The following ADGRL3 variants were observed in gnomAD, a reference collection of about 807,000 sequenced individuals.
The protein encoded by ADGRL3 is calcium-independent alpha-latrotoxin receptor 3.
Under a neutral mutation model 153.5 loss-of-function variants are expected in ADGRL3, and 62 were observed. The ratio of observed to expected loss-of-function variants is 0.40; its 90% confidence interval spans 0.33 to 0.50. The LOEUF is 0.50. Ranked by LOEUF, ADGRL3 falls within the 20% of genes least tolerant of loss-of-function variation. ADGRL3 has a pLI of 0.47. For missense variants in ADGRL3, 1,641 were observed against 1,859.4 expected, an observed-to-expected ratio of 0.88 and a Z score of 2.16; for synonymous variants, 710 against 672.5, an observed-to-expected ratio of 1.06 and a Z score of -0.86.
At chr4:61,210,525 T>C (rs1291345478) in intron 1 of ADGRL3, among the ~76,000 whole-genome samples, 4 of 139,518 alleles carry the variant, frequency 2.9e-5, no homozygotes, top group Non-Finnish European at 6.4e-5. Flanking sequence ...GTCTCCTGTT[T>C]TGTTTTGATT....
intron 4 of ADGRL3, among the ~76,000 whole-genome samples, chr4:61,562,516 A>G (rs1222268264): frequency 6.6e-6 from 1 of 152,168 alleles, no homozygotes; most frequent in South Asian, 2.1e-4. Context: ...GCAATGTTCT[A>G]AATCCTTCGT....
chr4:61,865,445 G>A (rs1392872426), intron 9 of ADGRL3, among the ~76,000 whole-genome samples: 3 of 152,124 alleles, frequency 2.0e-5, no homozygotes, highest in African/African-American at 7.2e-5. Flanking sequence ...TTGTAAATAA[G>A]CACATTCAAT....
intron 1 of ADGRL3, among the ~76,000 whole-genome samples, chr4:61,344,509 A>G (rs1009678787): frequency 1.3e-5 from 2 of 152,166 alleles, no homozygotes; most frequent in Admixed American, 1.3e-4. Context: ...TCTGTCTACT[A>G]TTCCCTTGAA....
chr4:61,617,367 T>C (rs1332098749), intron 5 of ADGRL3, among the ~76,000 whole-genome samples: 1 of 152,202 alleles, frequency 6.6e-6, no homozygotes, highest in East Asian at 1.9e-4. Context: ...TTCTCTCTCT[T>C]TTTTAAACAT....
chr4:61,941,225 A>G (rs1358462150), intron 15 of ADGRL3, among the ~76,000 whole-genome samples: 1 of 125,684 alleles, frequency 8.0e-6, no homozygotes, highest in Non-Finnish European at 1.6e-5. Flanking sequence ...CAGGTTTGTG[A>G]AAGATCAGAT....
At position 62,070,688 on chromosome 4, in the gene ADGRL3, G is replaced by A. The variant is rs368135572; in HGVS notation, c.4412G>A (p.Ser1471Asn). Residue 1471 changes from serine to asparagine, a missense_variant, in exon 27 of 27, where the codon AGC (serine) becomes AAC (asparagine). Coordinates refer to ENST00000683033, the MANE Select transcript of ADGRL3 (RefSeq NM_001387552.1). The part of the protein sequence containing the change: ...GVAATESVTT[S>N]TQTEPPPAKC... ...GCCGCCACAGAGAGTGTTACCACCA[G>A]CACCCAGACCGAACCCCCACCGGCC... is the stretch of plus-strand genomic sequence containing the variant. The A allele has an allele frequency of 1.8e-5, 28 of 1,551,390 alleles. No individual in the cohort carries two copies. In the African/African-American group the frequency reaches 3.4e-4, roughly 19 times the overall value.
intron 5 of ADGRL3, among the ~76,000 whole-genome samples, chr4:61,610,108 G>A (rs1448634158): frequency 1.3e-5 from 2 of 150,096 alleles, no homozygotes; most frequent in Non-Finnish European, 3.0e-5. Context: ...ATATTTTTAT[G>A]AGCATTTTAG....
chr4:61,625,346 A>T (rs1043471867), intron 5 of ADGRL3, among the ~76,000 whole-genome samples: 1 of 152,078 alleles, frequency 6.6e-6, no homozygotes. Context: ...TATTCCAAAA[A>T]CTACATGAAC....
At chr4:61,699,562 T>C (rs914988482) in intron 6 of ADGRL3, among the ~76,000 whole-genome samples, 3 of 152,058 alleles carry the variant, frequency 2.0e-5, no homozygotes, top group African/African-American at 7.2e-5. Context: ...TTAAAGCCAA[T>C]TTTGAGTTTA....
chr4:61,562,656 A>T (rs1240822126), intron 4 of ADGRL3, among the ~76,000 whole-genome samples: 1 of 152,142 alleles, frequency 6.6e-6, no homozygotes, highest in African/African-American at 2.4e-5. Flanking sequence ...CAGCTCAGTC[A>T]CATCTTCAGG....
chr4:61,278,270 T>G (rs2093570137), intron 1 of ADGRL3, among the ~76,000 whole-genome samples: 1 of 152,196 alleles, frequency 6.6e-6, no homozygotes, highest in Admixed American at 6.5e-5. Context: ...GACATGCAGC[T>G]AAGATCTAAA....
chr4:61,759,692 A>C (rs2096885623), intron 8 of ADGRL3, among the ~76,000 whole-genome samples: 1 of 152,162 alleles, frequency 6.6e-6, no homozygotes, highest in Non-Finnish European at 1.5e-5. Flanking sequence ...TTCTCCGTCC[A>C]GCTTTGTTCC....
chr4:61,396,166 A>G (rs2096866036), intron 2 of ADGRL3, among the ~76,000 whole-genome samples: 2 of 151,968 alleles, frequency 1.3e-5, no homozygotes, highest in Admixed American at 6.6e-5. Context: ...CCGTACATAC[A>G]TGTCATCTAG....
chr4:61,565,641 G>A (rs1261382762), intron 4 of ADGRL3, among the ~76,000 whole-genome samples: 2 of 152,004 alleles, frequency 1.3e-5, no homozygotes. Flanking sequence ...GGGTTCAAGC[G>A]ATTCTTCTGC....
intron 10 of ADGRL3, 22 bp downstream of exon 10, chr4:61,892,980 A>G (rs2098599318): frequency 1.4e-6 from 2 of 1,436,540 alleles, no homozygotes; most frequent in Admixed American, 2.8e-5. Flanking sequence ...CTAAAGCACT[A>G]AGTTAAAACT....
intron 5 of ADGRL3, among the ~76,000 whole-genome samples, chr4:61,640,647 C>A (rs908547251): frequency 2.6e-5 from 4 of 152,128 alleles, no homozygotes; most frequent in African/African-American, 9.7e-5. Context: ...ACATATTAGA[C>A]AATCAATAGG....
intron 2 of ADGRL3, among the ~76,000 whole-genome samples, chr4:61,478,056 G>A (rs898348994): frequency 9.2e-5 from 14 of 151,862 alleles, no homozygotes; most frequent in Admixed American, 7.2e-4. Flanking sequence ...TAAAAGTCAC[G>A]TTTCATTTTT....
At chr4:61,506,139 C>A (rs530943581) in intron 3 of ADGRL3, among the ~76,000 whole-genome samples, 1 of 152,064 alleles carries the variant, frequency 6.6e-6, no homozygotes, top group East Asian at 1.9e-4. Flanking sequence ...GAGTTTAAAT[C>A]ACAGTTTATT....
chr4:62,058,194 T>TTTTTG (rs144141959), intron 25 of ADGRL3, among the ~76,000 whole-genome samples: 3,964 of 152,000 alleles, frequency 0.026, 179 homozygotes, highest in African/African-American at 0.092. Context: ...AGTGAGTTGT[T>TTTTTG]TTTTGTTTTG....
Sources: gnomAD v4.1 joint callset for allele counts (sites outside exome capture counted in the v4.1 genomes callset) on GRCh38, gnomAD v4.1.1 for gene constraint, MANE v1.5 for transcripts, NCBI Gene and HGNC (gene_info 2026-07-23, HGNC 2026-07-21) for gene names.